Variants in COL19A1 observed in about 807,000 individuals in gnomAD.
COL19A1 encodes collagen type XIX alpha 1 chain, also known as collagen alpha-1(XIX) chain.
COL19A1 carries 159 observed loss-of-function variants against 190.2 expected under a neutral mutation model. The observed-to-expected ratio is 0.84, with a 90% confidence interval of 0.73 to 0.95. The LOEUF (loss-of-function observed/expected upper bound fraction) is 0.95. COL19A1 is among the 40% of genes least tolerant of loss of function. The pLI, the probability that COL19A1 is intolerant of heterozygous loss-of-function variation, is 0.00. For synonymous variants in COL19A1, 509 were observed against 458.9 expected (o/e 1.11, Z -1.39); for missense variants, 1,418 against 1,431.9 (o/e 0.99, Z 0.16).
At chr6:69,957,560 A>G (rs1774498225) in intron 9 of COL19A1, among the ~76,000 whole-genome samples, 1 of 152,186 alleles carries the variant, frequency 6.6e-6, no homozygotes, top group South Asian at 2.1e-4. Flanking sequence ...CCGTAATGAA[A>G]AAAAAACCCT....
chr6:70,078,684 A>C (rs1782044085), intron 15 of COL19A1, among the ~76,000 whole-genome samples: 1 of 152,212 alleles, frequency 6.6e-6, no homozygotes. Flanking sequence ...GAGGTGAAAT[A>C]AAACACAATC....
intron 11 of COL19A1, chr6:69,974,014 G>T (rs1313373693): frequency 6.6e-6 from 1 of 152,146 alleles, no homozygotes; most frequent in Non-Finnish European, 1.5e-5. Flanking sequence ...TAGCTGTTTT[G>T]TAAGTTATTG....
chr6:69,879,809 A>T, intron 2 of COL19A1, 151 bp downstream of exon 2: 8 of 701,590 alleles, frequency 1.1e-5, no homozygotes, highest in Non-Finnish European at 1.6e-5. Context: ...TGATCTTCCC[A>T]TGATGCACAT....
intron 48 of COL19A1, among the ~76,000 whole-genome samples, chr6:70,191,817 A>G (rs559297526): frequency 1.3e-5 from 2 of 152,240 alleles, no homozygotes; most frequent in East Asian, 1.9e-4. Context: ...GAATTTTTTT[A>G]AGGAATAAGA....
chr6:70,111,120 G>A (rs1784260678), intron 16 of COL19A1, among the ~76,000 whole-genome samples: 2 of 152,166 alleles, frequency 1.3e-5, no homozygotes, highest in South Asian at 4.1e-4. Context: ...GTTTCCAAGA[G>A]GATCTCCATA....
intron 12 of COL19A1, among the ~76,000 whole-genome samples, chr6:70,026,693 T>G (rs3805986): frequency 0.1 from 15,194 of 151,788 alleles, 821 homozygotes; most frequent in East Asian, 0.21. Flanking sequence ...ATGGGGGGAG[T>G]GTTAATATTG....
At chr6:70,117,496 A>G (rs956022711) in intron 16 of COL19A1, among the ~76,000 whole-genome samples, 1 of 152,210 alleles carries the variant, frequency 6.6e-6, no homozygotes, top group Non-Finnish European at 1.5e-5. Flanking sequence ...AAACTATTTA[A>G]AAGCTGCTAG....
chr6:69,870,006 C>T (rs929768659), intron 1 of COL19A1, among the ~76,000 whole-genome samples: 2 of 152,130 alleles, frequency 1.3e-5, no homozygotes, highest in African/African-American at 2.4e-5. Context: ...TTTTTTGTCC[C>T]ACTAAGTAAC....
intron 20 of COL19A1, 23 bp downstream of exon 20, chr6:70,141,012 C>A: frequency 6.3e-7 from 1 of 1,598,124 alleles, no homozygotes; most frequent in Non-Finnish European, 8.6e-7. Flanking sequence ...TTTATCACTA[C>A]CTTGGGTTTT....
At chr6:70,137,826 T>C in intron 19 of COL19A1, 79 bp downstream of exon 19, 2 of 1,371,800 alleles carry the variant, frequency 1.5e-6, no homozygotes, top group Non-Finnish European at 2.1e-6. Context: ...TCAGCCCCAA[T>C]TCCACGTGCC....
At chr6:69,901,194 A>G (rs1235295869) in intron 4 of COL19A1, among the ~76,000 whole-genome samples, 1 of 152,184 alleles carries the variant, frequency 6.6e-6, no homozygotes, top group East Asian at 1.9e-4. Context: ...GAAAATATGT[A>G]TGTATGTTTT....
In COL19A1 at chr6:70,142,795, G is replaced by A; in HGVS notation, c.1601G>A (p.Gly534Glu). 1 of 1,612,356 alleles carries A rather than the reference G, an allele frequency of 6.2e-7. No homozygotes were observed. The highest frequency in any genetic ancestry group is 8.5e-7 in the Non-Finnish European group (1 of 1,179,030). The change falls in exon 23 of 51, where the codon GGA becomes GAA. Residue 534 changes from glycine (G) to glutamate (E), a missense_variant. Physicochemically the swap from Gly to Glu is moderately conservative, Grantham distance 98. Transcript: ENST00000620364. ...KGQQGSAGSM[G>E]PRGPPGDVGL... Reference sequence around the variant, plus strand: ...CAGCAAGGATCTGCAGGCTCCATGGGACCCAGAGGACCGCCAGGAGATGTT... The same window carrying A: ...CAGCAAGGATCTGCAGGCTCCATGGAACCCAGAGGACCGCCAGGAGATGTT...
At chr6:70,022,390 T>G (rs960765057) in intron 11 of COL19A1, among the ~76,000 whole-genome samples, 8 of 152,092 alleles carry the variant, frequency 5.3e-5, no homozygotes, top group African/African-American at 1.9e-4. Flanking sequence ...AGGAAAAAAA[T>G]CATCTGTAAT....
At chr6:70,174,514 C>T (rs1227814879) in intron 41 of COL19A1, among the ~76,000 whole-genome samples, 2 of 151,442 alleles carry the variant, frequency 1.3e-5, no homozygotes, top group East Asian at 1.9e-4. Context: ...GAGCCGAGAT[C>T]GTGCCATTGT....
intron 14 of COL19A1, among the ~76,000 whole-genome samples, chr6:70,060,568 G>C (rs933117130): frequency 6.6e-6 from 1 of 152,026 alleles, no homozygotes; most frequent in African/African-American, 2.4e-5. Flanking sequence ...ATTCTCATAA[G>C]AGCATGAACC....
At position 70,034,235 on chromosome 6, in the gene COL19A1, C is replaced by A. The variant is rs1779224032; in HGVS notation, c.1081-10C>A. ...CTGTGAACTGTGTATTGGTTATATT[C>A]TTTCTACAGGGTTTGAAAGGTGACT... On this transcript the variant is annotated splice_polypyrimidine_tract_variant and intron_variant, in intron 12 of 50. Transcript: ENST00000620364. The A allele has an allele frequency of 6.2e-7, 1 of 1,600,466 alleles. No homozygotes were observed. Among genetic ancestry groups the A allele is most frequent in the Non-Finnish European group, 8.6e-7 (1 of 1,167,552 alleles).
intron 17 of COL19A1, among the ~76,000 whole-genome samples, chr6:70,124,118 C>T (rs2150215039): frequency 6.6e-6 from 1 of 151,532 alleles, no homozygotes; most frequent in East Asian, 1.9e-4. Context: ...GGAAAAAAAA[C>T]TGTACTGGCT....
chr6:70,178,435 A>T (rs1000177635), intron 42 of COL19A1, among the ~76,000 whole-genome samples: 1 of 152,122 alleles, frequency 6.6e-6, no homozygotes, highest in Non-Finnish European at 1.5e-5. Flanking sequence ...AAGGGTAAAA[A>T]ATTTACATAC....
intron 41 of COL19A1, among the ~76,000 whole-genome samples, chr6:70,173,455 T>G (rs1029809587): frequency 6.6e-6 from 1 of 151,852 alleles, no homozygotes; most frequent in Non-Finnish European, 1.5e-5. Flanking sequence ...ACCAGCGAGG[T>G]AGGAGGAAAA....
Sources: gnomAD v4.1 joint callset for allele counts (sites outside exome capture counted in the v4.1 genomes callset) on GRCh38, gnomAD v4.1.1 for gene constraint, MANE v1.5 for transcripts, NCBI Gene and HGNC (gene_info 2026-07-23, HGNC 2026-07-21) for gene names.